NAV2: variants seen among roughly 807,000 people sequenced by gnomAD.
NAV2 encodes neuron navigator 2, also known as helicase, APC down-regulated 1.
In NAV2, 54 loss-of-function variants were observed where a neutral mutation model predicts 223.2. The ratio of observed to expected loss-of-function variants is 0.24; its 90% CI spans 0.19 to 0.30. The LOEUF is 0.30. NAV2 is among the 10% of genes least tolerant of loss of function. The pLI, the probability that NAV2 is intolerant of heterozygous loss-of-function variation, is 1.00. For synonymous variants in NAV2, 1,279 were observed against 1,239.3 expected (o/e 1.03, Z -0.67); for missense variants, 2,806 against 3,147.5 (o/e 0.89, Z 2.60).
chr11:19,948,067 T>A (rs1269123157), intron 9 of NAV2, among the ~76,000 whole-genome samples: 1 of 151,852 alleles, frequency 6.6e-6, no homozygotes, highest in African/African-American at 2.4e-5. Flanking sequence ...CTTTCCCAGA[T>A]TGGAAAGAAA....
chr11:19,594,218 G>A (rs1476636513), intron 1 of NAV2, among the ~76,000 whole-genome samples: 1 of 152,158 alleles, frequency 6.6e-6, no homozygotes, highest in African/African-American at 2.4e-5. Context: ...GGCCAGCAAT[G>A]AGTAGAGGGA....
intron 17 of NAV2, among the ~76,000 whole-genome samples, chr11:20,051,995 A>G (rs562309345): frequency 2.6e-5 from 4 of 152,314 alleles, no homozygotes; most frequent in Middle Eastern, 3.4e-3. Context: ...ACAAGATGCT[A>G]TAAGTCACCA....
At chr11:19,376,475 C>T (rs1309909046) in intron 1 of NAV2, among the ~76,000 whole-genome samples, 1 of 152,188 alleles carries the variant, frequency 6.6e-6, no homozygotes, top group Non-Finnish European at 1.5e-5. Context: ...AGGGACTCAC[C>T]TGCTGTTATA....
intron 11 of NAV2, among the ~76,000 whole-genome samples, chr11:19,990,351 C>A (rs2051204993): frequency 6.6e-6 from 1 of 152,148 alleles, no homozygotes; most frequent in African/African-American, 2.4e-5. Context: ...CCAAGGCCAC[C>A]AGATCTGCAG....
intron 36 of NAV2, 60 bp from the exon 37 acceptor site, chr11:20,114,532 C>T (rs1266470980): frequency 6.5e-7 from 1 of 1,531,862 alleles, no homozygotes; most frequent in Non-Finnish European, 9.0e-7. Context: ...AGCTGCAAAA[C>T]TGGGGCTACG....
chr11:19,730,631 G>T (rs1475249999), intron 1 of NAV2, among the ~76,000 whole-genome samples: 2 of 152,192 alleles, frequency 1.3e-5, no homozygotes, highest in African/African-American at 4.8e-5. Flanking sequence ...GGTGGGCTCC[G>T]CATAACTCCC....
At position 20,118,279 on chromosome 11, in the gene NAV2, C is replaced by T. The variant is rs776049474; in HGVS notation, c.*21C>T. 1.9e-6 allele frequency: 3 copies of T among 1,612,568 alleles called. No homozygotes were observed. Among genetic ancestry groups the T allele is most frequent in the East Asian group, 4.5e-5 (2 of 44,840 alleles). ...TGTGACAGGGGCCCGGAGCCCAGCGCCCTCCTCTTCTCCTCACCGCATTCC... is the reference window on the plus strand; with the variant it reads ...TGTGACAGGGGCCCGGAGCCCAGCGTCCTCCTCTTCTCCTCACCGCATTCC... On this transcript the variant is annotated 3_prime_UTR_variant, in exon 38 of 38. Coordinates refer to ENST00000349880, the MANE Select transcript of NAV2 (RefSeq NM_145117.5).
chr11:19,982,919 G>A (rs12794632), intron 10 of NAV2, among the ~76,000 whole-genome samples: 31,946 of 152,116 alleles, frequency 0.21, 3,482 homozygotes, highest in African/African-American at 0.27. Context: ...AGTTAAAATG[G>A]CAAGTGCAAT....
chr11:20,064,713 A>T (rs1391255074), intron 20 of NAV2, among the ~76,000 whole-genome samples: 1 of 152,180 alleles, frequency 6.6e-6, no homozygotes, highest in Non-Finnish European at 1.5e-5. Flanking sequence ...TTTTCATGAA[A>T]TTTGAAATTG....
chr11:19,383,371 C>A (rs1399996959), intron 1 of NAV2, among the ~76,000 whole-genome samples: 1 of 152,218 alleles, frequency 6.6e-6, no homozygotes, highest in Non-Finnish European at 1.5e-5. Context: ...CTACATGGAG[C>A]AAAGCCCCTC....
chr11:19,633,298 G>A (rs1035088445), intron 1 of NAV2, among the ~76,000 whole-genome samples: 2 of 152,236 alleles, frequency 1.3e-5, no homozygotes, highest in East Asian at 3.9e-4. Flanking sequence ...CTGGGCCTGG[G>A]GCTCCTGGCT....
intron 1 of NAV2, among the ~76,000 whole-genome samples, chr11:19,578,142 A>T (rs2045619349): frequency 6.6e-6 from 1 of 152,144 alleles, no homozygotes; most frequent in East Asian, 1.9e-4. Flanking sequence ...TTGTGGCTGT[A>T]AGAGAAGCAA....
chr11:19,703,959 T>G (rs1056585368), intron 1 of NAV2, among the ~76,000 whole-genome samples: 5 of 151,628 alleles, frequency 3.3e-5, no homozygotes, highest in Admixed American at 3.3e-4. Flanking sequence ...TAATTCAGAG[T>G]AACCTCATTG....
intron 1 of NAV2, among the ~76,000 whole-genome samples, chr11:19,514,391 G>A (rs899773743): frequency 7.9e-5 from 12 of 152,060 alleles, no homozygotes; most frequent in African/African-American, 1.2e-4. Context: ...TTAACATTGC[G>A]GTTTTTCTGA....
upstream of NAV2, among the ~76,000 whole-genome samples, chr11:19,346,279 C>G (rs998910135): frequency 1.3e-5 from 2 of 152,162 alleles, no homozygotes; most frequent in Admixed American, 1.3e-4. Context: ...GTGCTTGTGT[C>G]GGTCTGTGCC....
At chr11:19,423,614 A>T (rs1167772944) in intron 1 of NAV2, among the ~76,000 whole-genome samples, 1 of 152,234 alleles carries the variant, frequency 6.6e-6, no homozygotes, top group African/African-American at 2.4e-5. Context: ...AGCTCTTGAC[A>T]TTCCTCTAAG....
chr11:19,683,950 CA>C (rs1423479751), intron 1 of NAV2, among the ~76,000 whole-genome samples: 1 of 152,038 alleles, frequency 6.6e-6, no homozygotes, highest in African/African-American at 2.4e-5. Context: ...TTTCTTTTGC[CA>C]AAATGGGACG....
At chr11:19,795,424 T>A (rs1240299672) in intron 1 of NAV2, among the ~76,000 whole-genome samples, 3 of 152,312 alleles carry the variant, frequency 2.0e-5, no homozygotes, top group Non-Finnish European at 2.9e-5. Flanking sequence ...CTAATCTGTA[T>A]AAATTTAAAT....
chr11:20,043,874 T>C (rs1014736699), intron 12 of NAV2, 107 bp from the exon 13 acceptor site: 109 of 974,750 alleles, frequency 1.1e-4, no homozygotes, highest in Admixed American at 2.0e-4. Context: ...AAGTAATGCT[T>C]ATTTTTCCCT....
Sources: gnomAD v4.1 joint callset for allele counts (sites outside exome capture counted in the v4.1 genomes callset) on GRCh38, gnomAD v4.1.1 for gene constraint, MANE v1.5 for transcripts, NCBI Gene and HGNC (gene_info 2026-07-23, HGNC 2026-07-21) for gene names.